Variants in IARS2 observed in about 807,000 individuals in gnomAD.
The protein encoded by IARS2 is isoleucyl-tRNA synthetase 2, mitochondrial.
IARS2 carries 56 observed loss-of-function variants against 126.3 expected under a neutral mutation model. That is an observed-to-expected ratio of 0.44 (90% confidence interval 0.36 to 0.55). The LOEUF (loss-of-function observed/expected upper bound fraction) is 0.55, where lower values mean the gene tolerates loss of function less well. IARS2 is among the 20% of genes least tolerant of loss of function. The probability of loss-of-function intolerance (pLI) is 0.00; values close to 1 mark genes in which losing one functional copy is unlikely to be tolerated. For synonymous variants in IARS2, 407 were observed against 441.1 expected (o/e 0.92, Z 0.97); for missense variants, 1,127 against 1,245.9 (o/e 0.90, Z 1.44).
At chr1:220,100,063 G>T (rs766493212) in intron 2 of IARS2, among the ~76,000 whole-genome samples, 1 of 152,128 alleles carries the variant, frequency 6.6e-6, no homozygotes, top group Non-Finnish European at 1.5e-5. Context: ...TTCAACTATA[G>T]TAATATATTT....
At chr1:220,112,779 G>A (rs942388184) in intron 11 of IARS2, among the ~76,000 whole-genome samples, 18 of 151,864 alleles carry the variant, frequency 1.2e-4, no homozygotes, top group Admixed American at 3.3e-4. Flanking sequence ...GGTTGGTGTC[G>A]AACTCCTGAG....
intron 15 of IARS2, among the ~76,000 whole-genome samples, 175 bp from the exon 16 acceptor site, chr1:220,136,634 C>CAAAA (rs775927970): frequency 7.9e-5 from 5 of 63,074 alleles, no homozygotes; most frequent in Non-Finnish European, 1.3e-4. Context: ...GACTCCATCT[C>CAAAA]AAAAAAAAAA....
At chr1:220,114,980 T>C (rs1273705737) in intron 12 of IARS2, among the ~76,000 whole-genome samples, 1 of 151,474 alleles carries the variant, frequency 6.6e-6, no homozygotes, top group African/African-American at 2.4e-5. Context: ...TAGATGGACA[T>C]AGTGAACAAT....
At chr1:220,141,524 CAACT>C (rs1206318234) in intron 19 of IARS2, among the ~76,000 whole-genome samples, 2 of 152,230 alleles carry the variant, frequency 1.3e-5, no homozygotes, top group Non-Finnish European at 2.9e-5. Context: ...TAAATACCAT[CAACT>C]AACTTATTCA....
intron 2 of IARS2, among the ~76,000 whole-genome samples, chr1:220,099,359 C>T (rs372488416): frequency 1.4e-4 from 22 of 152,098 alleles, no homozygotes; most frequent in African/African-American, 4.3e-4. Flanking sequence ...CTCAACATAT[C>T]TAAAGTATCA....
In IARS2 at chr1:220,094,318, A is replaced by C; in HGVS notation, c.102A>C (p.Gln34His). 1 of 1,612,564 alleles carries C rather than the reference A, an allele frequency of 6.2e-7. No homozygotes were observed. The highest frequency in any genetic ancestry group is 8.5e-7 in the Non-Finnish European group (1 of 1,179,446). The change falls in exon 1 of 23, where the codon CAA becomes CAC. Residue 34 changes from glutamine to histidine, a missense_variant. Transcript: ENST00000366922. ...GCCTTCCCTGCAGCCCGGGATGGCA[A>C]GGGGCGACGAAGAGGCTTCTGGTGC... ...TPRLPCSPGW[Q>H]GATKRLLVRS...
At chr1:220,098,411 C>T (rs1656493678) in intron 2 of IARS2, among the ~76,000 whole-genome samples, 1 of 152,166 alleles carries the variant, frequency 6.6e-6, no homozygotes, top group Non-Finnish European at 1.5e-5. Flanking sequence ...CAAATGTCAT[C>T]TTACCAGGCT....
intron 2 of IARS2, among the ~76,000 whole-genome samples, chr1:220,098,277 G>C (rs1306959489): frequency 6.6e-6 from 1 of 152,176 alleles, no homozygotes; most frequent in Non-Finnish European, 1.5e-5. Flanking sequence ...TGGAACTAGG[G>C]AAGGACCAAT....
At chr1:220,106,207 A>G (rs1441101507) in intron 9 of IARS2, 147 bp downstream of exon 9, 1 of 581,636 alleles carries the variant, frequency 1.7e-6, no homozygotes, top group Admixed American at 3.3e-5. Context: ...CTAAAGTTTC[A>G]TTAATTCGTA....
At chr1:220,131,199 C>T (rs1657259431) in intron 14 of IARS2, among the ~76,000 whole-genome samples, 1 of 152,012 alleles carries the variant, frequency 6.6e-6, no homozygotes, top group Non-Finnish European at 1.5e-5. Context: ...TTATTTGAGA[C>T]AGAGTCTCGC....
chr1:220,145,872 G>A (rs545289016), intron 22 of IARS2, among the ~76,000 whole-genome samples: 13 of 152,284 alleles, frequency 8.5e-5, no homozygotes, highest in African/African-American at 3.1e-4. Flanking sequence ...ACAGAAGAGG[G>A]AGAGAGATTT....
chr1:220,138,440 C>T (rs890102934), intron 17 of IARS2, among the ~76,000 whole-genome samples: 10 of 152,070 alleles, frequency 6.6e-5, no homozygotes, highest in African/African-American at 2.4e-4. Context: ...CACTGGACTC[C>T]AGCCTGGCGA....
In IARS2 at chr1:220,140,935, G is replaced by C. The variant is rs531305744; in HGVS notation, c.2414+646G>C. Among the ~76,000 whole-genome samples the C allele has an allele frequency of 2.8e-5, 4 of 144,718 alleles. No homozygotes were observed. In the East Asian group the frequency reaches 8.5e-4, roughly 31 times the overall value. The allele number at this position is 144,718 out of a possible 152,430, so 94.9% of individuals were successfully genotyped here. A position where few individuals can be genotyped will look rare whatever the true frequency, so the allele number is the denominator to read the frequency against. On this transcript the variant is annotated intron_variant, in intron 19 of 22. Transcript: ENST00000366922. ...GGAGGCAGAGCTTGCAGTGAGCCGA[G>C]ATCGTGACACTGCACTTCAGCCTGG...
At chr1:220,119,850 A>G (rs1657002364) in intron 12 of IARS2, among the ~76,000 whole-genome samples, 1 of 152,142 alleles carries the variant, frequency 6.6e-6, no homozygotes, top group Non-Finnish European at 1.5e-5. Flanking sequence ...AAATGAACAT[A>G]ACTTATCCAG....
At chr1:220,137,059 G>T in intron 16 of IARS2, 148 bp downstream of exon 16, 1 of 543,146 alleles carries the variant, frequency 1.8e-6, no homozygotes, top group East Asian at 3.2e-5. Flanking sequence ...GAAGGCAGAG[G>T]CTGGGATTGT....
chr1:220,136,793 T>C lies in IARS2; in HGVS notation c.1947-16T>C. 2 of 1,314,404 alleles carry C rather than the reference T, an allele frequency of 1.5e-6. No homozygotes were observed. Among genetic ancestry groups the C allele is most frequent in the Non-Finnish European group, 2.2e-6 (2 of 922,406 alleles). The allele number at this position is 1,314,404 out of a possible 1,614,324, so 81.4% of individuals were successfully genotyped here. ...TAATTGTGTTTATCATTAAAATAGCTGATTTGTCCCTTTAGGACAGTGATT... is the reference window on the plus strand; with the variant it reads ...TAATTGTGTTTATCATTAAAATAGCCGATTTGTCCCTTTAGGACAGTGATT... On this transcript the variant is annotated splice_polypyrimidine_tract_variant and intron_variant, in intron 15 of 22. Transcript: ENST00000366922.
chr1:220,118,304 T>C, intron 12 of IARS2: 1 of 327,040 alleles, frequency 3.1e-6, no homozygotes, highest in South Asian at 2.6e-5. Flanking sequence ...TAAGTATACT[T>C]GTTTCACAGA....
intron 12 of IARS2, chr1:220,117,774 A>AT (rs1432210308): frequency 2.2e-6 from 1 of 448,922 alleles, no homozygotes; most frequent in African/African-American, 2.1e-5. Context: ...TACTCAATAC[A>AT]TTTACATGGT....
intron 12 of IARS2, 73 bp downstream of exon 12, chr1:220,114,547 G>A: frequency 8.7e-7 from 1 of 1,150,150 alleles, no homozygotes. Context: ...AAAATAATGT[G>A]GATGATTAAG....
Sources: allele counts gnomAD v4.1 joint callset (sites outside exome capture counted in the v4.1 genomes callset), GRCh38; gene constraint gnomAD v4.1.1; transcripts MANE v1.5; gene names NCBI Gene and HGNC (gene_info 2026-07-23, HGNC 2026-07-21).